SNTG1: variants seen among roughly 807,000 people sequenced by gnomAD.
The protein encoded by SNTG1 is syntrophin gamma 1.
In SNTG1, 39 loss-of-function variants were observed where a neutral mutation model predicts 74.7. That is an observed-to-expected ratio of 0.52 (90% CI 0.40 to 0.68). The LOEUF is 0.68. SNTG1 is among the 30% of genes least tolerant of loss of function. SNTG1 has a pLI of 0.00. For missense variants in SNTG1, 685 were observed against 609.5 expected, an observed-to-expected ratio of 1.12 and a Z score of -1.30; for synonymous variants, 254 against 217.1, an observed-to-expected ratio of 1.17 and a Z score of -1.49.
At chr8:50,570,230 TA>T in intron 12 of SNTG1, among the ~76,000 whole-genome samples, 1 of 51,386 alleles carries the variant, frequency 1.9e-5, no homozygotes, top group Non-Finnish European at 5.3e-5. Flanking sequence ...GTTCTATTTT[TA>T]TTTTATTTTA....
At position 50,704,582 on chromosome 8, in the gene SNTG1, A is replaced by G. The variant is rs774379693; in HGVS notation, c.1039-18A>G. The G allele has an allele frequency of 6.2e-7, 1 of 1,613,896 alleles. No individual in the cohort carries two copies. The highest frequency in any genetic ancestry group is 1.7e-5 in the Admixed American group (1 of 59,994). ...GAAGTGATGTGTGCCAGCCTGTGTA[A>G]CTCCAGGTTTTCACCAGGACAGTGA... On this transcript the variant is annotated intron_variant, in intron 15 of 18. Coordinates refer to ENST00000642720, the MANE Select transcript of SNTG1 (RefSeq NM_018967.5).
At chr8:50,475,498 A>G (rs557817396) in intron 8 of SNTG1, among the ~76,000 whole-genome samples, 3 of 152,248 alleles carry the variant, frequency 2.0e-5, no homozygotes, top group South Asian at 2.1e-4. Context: ...CCTGAATGGC[A>G]ATGCTGAAAT....
chr8:50,400,420 C>A (rs1563335443), intron 3 of SNTG1, among the ~76,000 whole-genome samples: 1 of 152,068 alleles, frequency 6.6e-6, no homozygotes, highest in Non-Finnish European at 1.5e-5. Context: ...TGTTGATGGG[C>A]ATTTAGGTTG....
chr8:50,422,069 G>A (rs1036790780), intron 4 of SNTG1, among the ~76,000 whole-genome samples: 14 of 152,078 alleles, frequency 9.2e-5, no homozygotes, highest in East Asian at 1.9e-4. Flanking sequence ...ACCTGGAAAC[G>A]GCATGGAAAG....
Position 50,552,904 on chromosome 8 carries a change from T to A in SNTG1, c.681-146T>A, listed in dbSNP as rs545668233. The stretch of plus-strand genomic sequence containing the variant: ...TTCAGTGTTTCATTTAAAACAGAGA[T>A]GCTTATAAAGTCAGGTAACCAAATA... On this transcript the variant is annotated intron_variant, in intron 11 of 18. Transcript: ENST00000642720. 11 of 890,190 alleles carry A rather than the reference T, an allele frequency of 1.2e-5. No homozygotes were observed. The South Asian group carries it at 2.1e-4, about 17-fold the overall frequency. 55.1% of individuals were successfully genotyped at this position (890,190 alleles called of 1,614,324 possible). A position where few individuals can be genotyped will look rare whatever the true frequency, so the allele number is the denominator to read the frequency against.
chr8:49,961,328 T>C (rs751138656), intron 1 of SNTG1, among the ~76,000 whole-genome samples: 2 of 152,176 alleles, frequency 1.3e-5, no homozygotes, highest in Non-Finnish European at 2.9e-5. Flanking sequence ...GAAATCCATA[T>C]CCCACCATCA....
chr8:50,792,670 G>T lies in SNTG1; in HGVS notation c.1396-1G>T. ...CTGACCTGTTTCTCTTTCCCTTTCA[G>T]GAGTTGGAATTTTCTAATTTATTTG... is the stretch of plus-strand genomic sequence containing the variant. On this transcript the variant is annotated splice_acceptor_variant, in intron 18 of 18. Transcript: ENST00000642720. LOFTEE classifies it high-confidence loss of function. 6.2e-7 allele frequency: 1 copy of T among 1,601,000 alleles called. No individual in the cohort carries two copies. Among genetic ancestry groups the T allele is most frequent in the Non-Finnish European group, 8.5e-7 (1 of 1,173,248 alleles).
At chr8:50,456,652 C>T (rs1245239115) in intron 8 of SNTG1, among the ~76,000 whole-genome samples, 1 of 152,150 alleles carries the variant, frequency 6.6e-6, no homozygotes, top group African/African-American at 2.4e-5. Context: ...AAAGACACCA[C>T]CACTTGCTAC....
chr8:50,266,589 AATT>A lies in SNTG1; in HGVS notation c.-28+93956_-28+93958del, dbSNP rs573688772. Reference sequence around the variant, plus strand: ...TGAATAAATATAAATAAATTAATAAAATTAATAATTTTGGTGGGGCATATGGTA... The same window carrying A: ...TGAATAAATATAAATAAATTAATAAAAATAATTTTGGTGGGGCATATGGTA... On this transcript the variant is annotated intron_variant, in intron 2 of 18. Coordinates refer to ENST00000642720, the MANE Select transcript of SNTG1 (RefSeq NM_018967.5). 2.2e-3 allele frequency among the ~76,000 whole-genome samples: 331 copies of A among 150,852 alleles called. 2 individuals carry two copies. Among genetic ancestry groups the A allele is most frequent in the African/African-American group, 7.5e-3 (309 of 41,374 alleles).
chr8:50,718,118 G>C lies in SNTG1; in HGVS notation c.1284+9140G>C, dbSNP rs140453211. 2.7e-3 allele frequency among the ~76,000 whole-genome samples: 405 copies of C among 152,232 alleles called. 4 individuals are homozygous for C. The highest frequency in any genetic ancestry group is 9.6e-3 in the African/African-American group (397 of 41,538). On this transcript the variant is annotated intron_variant, in intron 17 of 18. Transcript: ENST00000642720. ...AGGATAACCTGGAAGCTGCAAACTA[G>C]ATTAATGGGCCATTAGCAATAGTTG...
chr8:50,681,356 A>AT (rs2095330165), intron 15 of SNTG1, among the ~76,000 whole-genome samples: 1 of 152,150 alleles, frequency 6.6e-6, no homozygotes, highest in African/African-American at 2.4e-5. Context: ...GTTTTATTAC[A>AT]TATATAAATA....
At chr8:50,751,424 AG>A (rs2095567122) in intron 17 of SNTG1, among the ~76,000 whole-genome samples, 1 of 152,038 alleles carries the variant, frequency 6.6e-6, no homozygotes, top group Non-Finnish European at 1.5e-5. Flanking sequence ...TTATTTGGAA[AG>A]GCAACAGATT....
Position 50,011,772 on chromosome 8 carries a change from A to G in SNTG1, c.-103+99541A>G, listed in dbSNP as rs528295904. The G allele has an allele frequency of 3.7e-4, 56 of 152,310 alleles. 1 individual carries two copies. The highest frequency in any genetic ancestry group is 1.3e-3 in the African/African-American group (53 of 41,570). The allele number at this position is 152,310 out of a possible 1,614,324, so 9.4% of individuals were successfully genotyped here. A position where few individuals can be genotyped will look rare whatever the true frequency, so the allele number is the denominator to read the frequency against. On this transcript the variant is annotated intron_variant, in intron 1 of 18. Coordinates refer to ENST00000642720, the MANE Select transcript of SNTG1 (RefSeq NM_018967.5). ...TTTGTTAAACCATCCTTTATTTCTC[A>G]TAGTGAACACTGGACACGTTGGTGG...
At chr8:49,985,378 G>A (rs934371441) in intron 1 of SNTG1, among the ~76,000 whole-genome samples, 6 of 151,998 alleles carry the variant, frequency 3.9e-5, no homozygotes, top group Admixed American at 3.9e-4. Context: ...TGATCTGCCC[G>A]TCTCGGCTTC....
chr8:50,450,169 A>G (rs1340269274), intron 6 of SNTG1, among the ~76,000 whole-genome samples: 3 of 152,240 alleles, frequency 2.0e-5, no homozygotes. Context: ...TGAAATTAGT[A>G]AAACAATGTA....
At chr8:50,496,505 G>A (rs2093905670) in intron 8 of SNTG1, among the ~76,000 whole-genome samples, 2 of 152,052 alleles carry the variant, frequency 1.3e-5, no homozygotes, top group African/African-American at 4.8e-5. Context: ...TTCCTCCTTA[G>A]AATCTCATAG....
At chr8:50,710,840 G>A (rs1337286341) in intron 17 of SNTG1, among the ~76,000 whole-genome samples, 1 of 152,158 alleles carries the variant, frequency 6.6e-6, no homozygotes, top group Non-Finnish European at 1.5e-5. Context: ...AATTTAATCA[G>A]TCCAAGCTTG....
chr8:50,744,047 G>C (rs549044538), intron 17 of SNTG1, among the ~76,000 whole-genome samples: 1 of 152,050 alleles, frequency 6.6e-6, no homozygotes, highest in South Asian at 2.1e-4. Flanking sequence ...TTATTGCCAA[G>C]GGGATGGCCC....
In SNTG1 at chr8:50,791,047, C is replaced by T. The variant is rs1380282530; in HGVS notation, c.1396-1624C>T. Among the ~76,000 whole-genome samples, 8 of 151,984 alleles carry T rather than the reference C, an allele frequency of 5.3e-5. No homozygotes were observed. In the East Asian group the frequency reaches 1.4e-3, roughly 26 times the overall value. The stretch of plus-strand genomic sequence containing the variant: ...TTTATTTTTTAATAACATGCAAGAA[C>T]ATTTTACATTTTCCCAAAATTTCCA... On this transcript the variant is annotated intron_variant, in intron 18 of 18. Transcript: ENST00000642720.
Sources: allele counts gnomAD v4.1 joint callset (sites outside exome capture counted in the v4.1 genomes callset), GRCh38; gene constraint gnomAD v4.1.1; transcripts MANE v1.5; gene names NCBI Gene and HGNC (gene_info 2026-07-23, HGNC 2026-07-21).